TAF1A: variants seen among roughly 807,000 people sequenced by gnomAD.
TAF1A encodes TATA box-binding protein-associated factor RNA polymerase I subunit A.
Under a neutral mutation model 61.6 loss-of-function variants are expected in TAF1A, and 42 were observed. The ratio of observed to expected loss-of-function variants is 0.68; its 90% CI spans 0.53 to 0.88. TAF1A has a LOEUF of 0.88. Ranked by LOEUF, TAF1A falls within the 40% of genes least tolerant of loss-of-function variation. TAF1A has a pLI of 0.00. For synonymous variants in TAF1A, 179 were observed against 177.7 expected (o/e 1.01, Z -0.06); for missense variants, 424 against 518.7 (o/e 0.82, Z 1.77).
chr1:222,577,773 T>G lies in TAF1A; in HGVS notation c.406-130A>C, dbSNP rs754049877. ...TACAAATAACTTGACATGGAAAATT[T>G]TGATGTTGGGTACAATCTGGCAAAG... On this transcript the variant is annotated intron_variant, in intron 4 of 10. Coordinates refer to ENST00000352967, the MANE Select transcript of TAF1A (RefSeq NM_005681.4). 48 of 774,322 alleles carry G rather than the reference T, an allele frequency of 6.2e-5. 1 individual carries two copies. Among genetic ancestry groups the G allele is most frequent in the Non-Finnish European group, 8.5e-5 (41 of 481,930 alleles). 48.0% of individuals were successfully genotyped at this position (774,322 alleles called of 1,614,324 possible).
intron 5 of TAF1A, among the ~76,000 whole-genome samples, chr1:222,576,812 A>C (rs1187623236): frequency 6.6e-6 from 1 of 152,240 alleles, no homozygotes; most frequent in Non-Finnish European, 1.5e-5. Flanking sequence ...ATGACTGCTG[A>C]AGAAAATCTG....
intron 7 of TAF1A, 21 bp from the exon 8 acceptor site, chr1:222,564,146 G>A: frequency 2.0e-6 from 3 of 1,475,952 alleles, no homozygotes; most frequent in South Asian, 1.2e-5. Context: ...GAACAGTCTT[G>A]TAATCTTTAC....
chr1:222,583,699 G>A (rs1380763365), intron 3 of TAF1A, among the ~76,000 whole-genome samples: 3 of 152,000 alleles, frequency 2.0e-5, no homozygotes, highest in Non-Finnish European at 2.9e-5. Flanking sequence ...TTAGCCGGGC[G>A]TGGTGGTACA....
chr1:222,577,725 G>C, intron 4 of TAF1A, 82 bp from the exon 5 acceptor site: 2 of 1,239,770 alleles, frequency 1.6e-6, no homozygotes, highest in Non-Finnish European at 2.3e-6. Context: ...TATAATACAT[G>C]CTGGGCAAAG....
At chr1:222,568,132 T>C (rs1660187842) in intron 7 of TAF1A, among the ~76,000 whole-genome samples, 1 of 119,254 alleles carries the variant, frequency 8.4e-6, no homozygotes, top group South Asian at 2.5e-4. Flanking sequence ...CACAAAAAAA[T>C]AGCTAAAAAT....
At chr1:222,571,450 T>TGA (rs1660347867) in intron 5 of TAF1A, among the ~76,000 whole-genome samples, 1 of 152,108 alleles carries the variant, frequency 6.6e-6, no homozygotes, top group African/African-American at 2.4e-5. Context: ...TATCTCTATT[T>TGA]GCAGATGACA....
chr1:222,585,455 TAAA>T (rs199512248), intron 2 of TAF1A, among the ~76,000 whole-genome samples: 3 of 137,602 alleles, frequency 2.2e-5, no homozygotes, highest in African/African-American at 2.7e-5. Flanking sequence ...ATAACTTTAT[TAAA>T]AAAAAAAAAA....
intron 7 of TAF1A, among the ~76,000 whole-genome samples, chr1:222,565,561 CTTTTGTTTTAAACACAATCCTTAA>C (rs1660083285): frequency 6.6e-6 from 1 of 152,286 alleles, no homozygotes; most frequent in East Asian, 1.9e-4. Flanking sequence ...CACAGTCTTG[CTTTTGTTTTAAACACAATCCTTAA>C]TATTTTGTAA....
intron 3 of TAF1A, among the ~76,000 whole-genome samples, chr1:222,582,442 A>G (rs1209180955): frequency 2.6e-5 from 4 of 152,244 alleles, no homozygotes; most frequent in African/African-American, 7.2e-5. Flanking sequence ...AGACAGGACA[A>G]TAACAAAATA....
At chr1:222,577,401 C>G in intron 5 of TAF1A, 44 bp downstream of exon 5, 18 of 1,473,930 alleles carry the variant, frequency 1.2e-5, no homozygotes, top group Non-Finnish European at 1.7e-5. Context: ...ATCCCTCTGC[C>G]CCTCAGTCTC....
chr1:222,560,835 G>A (rs1021475255), intron 10 of TAF1A, among the ~76,000 whole-genome samples: 1 of 152,010 alleles, frequency 6.6e-6, no homozygotes, highest in Non-Finnish European at 1.5e-5. Flanking sequence ...GCAGAAAGCA[G>A]GTAAGAATTT....
chr1:222,582,943 G>T (rs1179634015), intron 3 of TAF1A, among the ~76,000 whole-genome samples: 1 of 152,160 alleles, frequency 6.6e-6, no homozygotes, highest in African/African-American at 2.4e-5. Flanking sequence ...AGCACTTTGG[G>T]GAGGCCGAGG....
At chr1:222,580,909 T>C (rs1320934449) in intron 3 of TAF1A, among the ~76,000 whole-genome samples, 1 of 152,084 alleles carries the variant, frequency 6.6e-6, no homozygotes, top group Non-Finnish European at 1.5e-5. Flanking sequence ...TCCCAGGATT[T>C]TGGGAGGCCG....
intron 7 of TAF1A, among the ~76,000 whole-genome samples, chr1:222,567,814 C>T (rs113822180): frequency 8.5e-4 from 130 of 152,156 alleles, no homozygotes; most frequent in African/African-American, 3.0e-3. Flanking sequence ...GATATGATTC[C>T]AAGACTTGCT....
At chr1:222,581,248 A>C (rs548526332) in intron 3 of TAF1A, among the ~76,000 whole-genome samples, 2 of 152,378 alleles carry the variant, frequency 1.3e-5, no homozygotes, top group African/African-American at 4.8e-5. Flanking sequence ...TTCATTTTAC[A>C]AAACAAAATC....
intron 5 of TAF1A, among the ~76,000 whole-genome samples, chr1:222,572,662 A>C (rs538911505): frequency 1.7e-4 from 26 of 152,168 alleles, no homozygotes; most frequent in Non-Finnish European, 2.9e-4. Context: ...CCCGGCTGCT[A>C]ACTAATTTTC....
At chr1:222,554,664 G>GA (rs1443204095), downstream of TAF1A, among the ~76,000 whole-genome samples, 3 of 151,874 alleles carry the variant, frequency 2.0e-5, no homozygotes, top group Admixed American at 1.3e-4. Context: ...TATTTATTGA[G>GA]AAAAAACATT....
intron 5 of TAF1A, among the ~76,000 whole-genome samples, chr1:222,570,992 A>C (rs1322046005): frequency 6.6e-6 from 1 of 152,202 alleles, no homozygotes; most frequent in Non-Finnish European, 1.5e-5. Context: ...CCAACAACAT[A>C]TAAAAAGCAT....
At chr1:222,571,313 A>C (rs1660341163) in intron 5 of TAF1A, among the ~76,000 whole-genome samples, 1 of 152,150 alleles carries the variant, frequency 6.6e-6, no homozygotes, top group Non-Finnish European at 1.5e-5. Context: ...TTTCCCCCTA[A>C]AATCAGTAAT....
Sources: allele counts gnomAD v4.1 joint callset (sites outside exome capture counted in the v4.1 genomes callset), GRCh38; gene constraint gnomAD v4.1.1; transcripts MANE v1.5; gene names NCBI Gene and HGNC (gene_info 2026-07-23, HGNC 2026-07-21).